The following SPAG4 variants were observed in gnomAD, a reference collection of about 807,000 sequenced individuals.
SPAG4 encodes sperm-associated antigen 4 protein.
A neutral mutation model predicts 53.9 loss-of-function variants in SPAG4; 54 were observed. The observed-to-expected ratio is 1.00, with a 90% CI of 0.80 to 1.26. The LOEUF (loss-of-function observed/expected upper bound fraction) is 1.26. Ranked by LOEUF, SPAG4 falls within the 50% of genes most tolerant of loss-of-function variation. The probability of loss-of-function intolerance (pLI) is 0.00; values close to 1 mark genes in which losing one functional copy is unlikely to be tolerated. For synonymous variants in SPAG4, 246 were observed against 237.4 expected (o/e 1.04, Z -0.33); for missense variants, 548 against 568.6 (o/e 0.96, Z 0.37).
rs79032128 is a variant in SPAG4, at chr20:35,617,979, G to A, written c.539-108G>A. On this transcript the variant is annotated intron_variant, in intron 4 of 11. Coordinates refer to ENST00000374273, the MANE Select transcript of SPAG4 (RefSeq NM_003116.3). Reference sequence around the variant, plus strand: ...CCCTAATTCCCCCTCAGACTCCCACGGTCCTCCCCAGGCTTAACCCCCTCA... The same window carrying A: ...CCCTAATTCCCCCTCAGACTCCCACAGTCCTCCCCAGGCTTAACCCCCTCA... 54,256 of 1,361,542 alleles carry A rather than the reference G, an allele frequency of 0.04. 1,354 individuals carry two copies. The highest frequency in any genetic ancestry group is 0.077 in the Middle Eastern group (420 of 5,456). The allele number at this position is 1,361,542 out of a possible 1,614,324, so 84.3% of individuals were successfully genotyped here.
chr20:35,617,185 G>A lies in SPAG4; in HGVS notation c.354G>A (p.Pro118=), dbSNP rs764920504. The A allele has an allele frequency of 9.4e-6, 15 of 1,601,540 alleles. No homozygotes were observed. The highest frequency in any genetic ancestry group is 1.7e-5 in the Admixed American group (1 of 58,458). ...CTGAGGAGCCGCTCGACCTTCTCCC[G>A]ACCCTGGATCTGAGGCAGGAGATGC... ...VVSEEPLDLL[P]TLDLRQEMPP... The change falls in exon 2 of 12, where the codon CCG becomes CCA. Residue 118 remains proline, a synonymous_variant. Transcript: ENST00000374273.
intron 5 of SPAG4, 27 bp from the exon 6 acceptor site, chr20:35,618,421 GCT>G: frequency 1.1e-5 from 18 of 1,613,812 alleles, no homozygotes; most frequent in Non-Finnish European, 1.5e-5. Flanking sequence ...GAGCTGAGCG[GCT>G]CTGTGTTTTG....
chr20:35,618,274 C>G, intron 5 of SPAG4, 144 bp downstream of exon 5: 2 of 1,098,936 alleles, frequency 1.8e-6, no homozygotes, highest in Non-Finnish European at 2.6e-6. Flanking sequence ...TATAAACAGA[C>G]TTATGAGGGA....
chr20:35,618,305 G>A lies in SPAG4; in HGVS notation c.583-145G>A, dbSNP rs1280376968. On this transcript the variant is annotated intron_variant, in intron 5 of 11. Transcript: ENST00000374273. ...AGGGATTGTGCTTGAGGGTCTCTTG[G>A]GGGCTCTGATACTGGGAGGTCAAGG... 2.6e-5 allele frequency: 30 copies of A among 1,136,122 alleles called. 1 individual carries two copies. Among genetic ancestry groups the A allele is most frequent in the Admixed American group, 4.4e-5 (2 of 45,078 alleles). 70.4% of individuals were successfully genotyped at this position (1,136,122 alleles called of 1,614,324 possible).
chr20:35,616,290 T>G lies in SPAG4; in HGVS notation c.287T>G (p.Val96Gly). The change falls in exon 1 of 12, where the codon GTG becomes GGG. Residue 96 changes from valine (V) to glycine (G), a missense_variant. By Grantham distance (109) the Val-to-Gly change is moderately radical. Transcript: ENST00000374273. ...CAGACAGCCTGTGGCGCGGCAACCG[T>G]GAGGGGCGGGGCCTCGGGTGCGGGC... is the stretch of plus-strand genomic sequence containing the variant. Reference protein sequence around the residue: ...NWQTACGAATVRGGASEPTGS... With the variant: ...NWQTACGAATGRGGASEPTGS... The G allele has an allele frequency of 4.9e-6, 7 of 1,419,764 alleles. No individual in the cohort carries two copies. The highest frequency in any genetic ancestry group is 3.2e-5 in the South Asian group (2 of 62,596). The allele number at this position is 1,419,764 out of a possible 1,614,324, so 87.9% of individuals were successfully genotyped here. A position where few individuals can be genotyped will look rare whatever the true frequency, so the allele number is the denominator to read the frequency against.
At chr20:35,619,956 TA>T (rs1216855170) in intron 10 of SPAG4, among the ~76,000 whole-genome samples, 1 of 152,180 alleles carries the variant, frequency 6.6e-6, no homozygotes, top group Non-Finnish European at 1.5e-5. Context: ...CCAAGCAGTT[TA>T]CAGGCATTCT....
Position 35,620,988 on chromosome 20 carries a change from AG to A in SPAG4, c.1285del (p.Ala429GlnfsTer22). On this transcript the variant is annotated frameshift_variant, in exon 12 of 12. Coordinates refer to ENST00000374273, the MANE Select transcript of SPAG4 (RefSeq NM_003116.3). LOFTEE classifies it high-confidence loss of function. ...RVRAHGVRTS[E>X]GAEGSAQGPH ...CGTGCCCACGGTGTGCGAACCTCAG[AG>A]GGGGCAGAGGGCAGTGCACAGGGGC... 1 of 1,614,156 alleles carries A rather than the reference AG, an allele frequency of 6.2e-7. No homozygotes were observed. Among genetic ancestry groups the A allele is most frequent in the South Asian group, 1.1e-5 (1 of 91,084 alleles).
Position 35,619,000 on chromosome 20 carries a change from T to C in SPAG4, c.793+2T>C. The C allele has an allele frequency of 1.2e-6, 2 of 1,613,042 alleles. No individual in the cohort carries two copies. Among genetic ancestry groups the C allele is most frequent in the Non-Finnish European group, 1.7e-6 (2 of 1,179,050 alleles). ...CCGACTATGCTTTGAGCTCTGTGGGTAAGACCCGGAGACACTGGAAGACAG... is the reference window on the plus strand; with the variant it reads ...CCGACTATGCTTTGAGCTCTGTGGGCAAGACCCGGAGACACTGGAAGACAG... On this transcript the variant is annotated splice_donor_variant, in intron 8 of 11. Coordinates refer to ENST00000374273, the MANE Select transcript of SPAG4 (RefSeq NM_003116.3). LOFTEE classifies it high-confidence loss of function.
chr20:35,618,108 A>C lies in SPAG4; in HGVS notation c.560A>C (p.Tyr187Ser). The change falls in exon 5 of 12, where the codon TAC (tyrosine) becomes TCC (serine). Residue 187 changes from tyrosine to serine, a missense_variant. Coordinates refer to ENST00000374273, the MANE Select transcript of SPAG4 (RefSeq NM_003116.3). ...FLSAFWLGLL[Y>S]LVSPLENEPK... is the part of the protein sequence containing the mutation. ...CCAGCATTCTGGCTGGGGCTTCTGT[A>C]CCTGGTCTCTCCTTTGGAGAATGTG... 6.2e-7 allele frequency: 1 copy of C among 1,613,194 alleles called. No homozygotes were observed. Among genetic ancestry groups the C allele is most frequent in the Non-Finnish European group, 8.5e-7 (1 of 1,179,784 alleles).
chr20:35,618,031 C>T (rs1341452892), intron 4 of SPAG4, 56 bp from the exon 5 acceptor site: 1 of 1,569,124 alleles, frequency 6.4e-7, no homozygotes. Flanking sequence ...CCCCCTATGC[C>T]GGGGAAACCC....
chr20:35,619,631 T>TG lies in SPAG4; in HGVS notation c.964dup (p.Val322GlyfsTer44). On this transcript the variant is annotated frameshift_variant, in exon 10 of 12. Coordinates refer to ENST00000374273, the MANE Select transcript of SPAG4 (RefSeq NM_003116.3). LOFTEE classifies it high-confidence loss of function. ...GCTTTTGAAGGCGACCAAGGCCAGG[T>TG]GGTGATCCAACTGCCGGGCCGAGTG... 1 of 1,613,942 alleles carries TG rather than the reference T, an allele frequency of 6.2e-7. No homozygotes were observed. The highest frequency in any genetic ancestry group is 8.5e-7 in the Non-Finnish European group (1 of 1,180,000).
At chr20:35,618,584 C>T (rs749230619) in intron 6 of SPAG4, 28 bp from the exon 7 acceptor site, 2 of 1,593,420 alleles carry the variant, frequency 1.3e-6, no homozygotes, top group South Asian at 1.1e-5. Context: ...AGGGAGCCAA[C>T]CCCACGGCGC....
intron 6 of SPAG4, 24 bp from the exon 7 acceptor site, chr20:35,618,588 A>C: frequency 6.3e-7 from 1 of 1,594,740 alleles, no homozygotes; most frequent in Non-Finnish European, 8.6e-7. Context: ...AGCCAACCCC[A>C]CGGCGCCCAC....
At chr20:35,620,621 T>TCCCCCCCCCC (rs756911417) in intron 10 of SPAG4, 63 bp from the exon 11 acceptor site, 1 of 510,084 alleles carries the variant, frequency 2.0e-6, no homozygotes, top group South Asian at 1.6e-5. Context: ...AGTTTTCTTC[T>TCCCCCCCCCC]CCCCGCCCCC....
At position 35,616,417 on chromosome 20, in the gene SPAG4, G is replaced by C. The variant is rs536709833; in HGVS notation, c.304+110G>C. On this transcript the variant is annotated intron_variant, in intron 1 of 11. Coordinates refer to ENST00000374273, the MANE Select transcript of SPAG4 (RefSeq NM_003116.3). The stretch of plus-strand genomic sequence containing the variant: ...TATCTGGGCACCTCCTACAAGGTGG[G>C]TCCTGTAGGGTAAAGGGATGGTGCT... 3.2e-4 allele frequency: 451 copies of C among 1,396,484 alleles called. No individual in the cohort carries two copies. The African/African-American group carries it at 5.7e-3, about 18-fold the overall frequency. The allele number at this position is 1,396,484 out of a possible 1,614,324, so 86.5% of individuals were successfully genotyped here.
chr20:35,618,933 A>G lies in SPAG4; in HGVS notation c.728A>G (p.Lys243Arg), dbSNP rs1176023706. ...CCTCCCTCCTTGCAGAGAGTGGCCA[A>G]GCTCGTGTTCCAGAGGCTGAATGAG... ...VRAANSERVA[K>R]LVFQRLNEDF... is the part of the protein sequence containing the mutation. The change falls in exon 8 of 12, where the codon AAG (lysine) becomes AGG (arginine). Residue 243 changes from lysine to arginine, a missense_variant. Physicochemically the swap from Lys to Arg is conservative, Grantham distance 26. Transcript: ENST00000374273. 1.2e-6 allele frequency: 2 copies of G among 1,614,212 alleles called. No homozygotes were observed.
At chr20:35,619,872 C>A in intron 10 of SPAG4, 126 bp downstream of exon 10, 1 of 944,400 alleles carries the variant, frequency 1.1e-6, no homozygotes, top group Non-Finnish European at 1.5e-6. Flanking sequence ...CTATTTGCCT[C>A]TCAGAGCTGC....
intron 1 of SPAG4, chr20:35,616,860 C>T (rs1215330801): frequency 1.1e-5 from 5 of 464,296 alleles, no homozygotes; most frequent in African/African-American, 2.0e-5. Flanking sequence ...GAACTCCCGA[C>T]CTCAGGTGAT....
At chr20:35,617,266 C>T in intron 2 of SPAG4, 26 bp downstream of exon 2, 2 of 1,494,234 alleles carry the variant, frequency 1.3e-6, no homozygotes, top group African/African-American at 1.4e-5. Context: ...GCTGCGATCC[C>T]CTCTGACCCT....
Sources: gnomAD v4.1 joint callset for allele counts (sites outside exome capture counted in the v4.1 genomes callset) on GRCh38, gnomAD v4.1.1 for gene constraint, MANE v1.5 for transcripts, NCBI Gene and HGNC (gene_info 2026-07-23, HGNC 2026-07-21) for gene names.